Variants in MAML2 observed in about 807,000 individuals in gnomAD.
The protein encoded by MAML2 is mastermind-like protein 2.
A neutral mutation model predicts 96.1 loss-of-function variants in MAML2; 22 were observed. The ratio of observed to expected loss-of-function variants is 0.23; its 90% CI spans 0.16 to 0.33. MAML2 has a LOEUF of 0.33. Among genes scored for constraint, MAML2 ranks in the 10% least tolerant of loss-of-function variants. MAML2 has a pLI of 1.00. For synonymous variants in MAML2, 561 were observed against 521.3 expected (o/e 1.08, Z -1.04); for missense variants, 1,367 against 1,392.4 (o/e 0.98, Z 0.29).
At chr11:96,136,029 G>A (rs1019443283) in intron 1 of MAML2, among the ~76,000 whole-genome samples, 1 of 152,146 alleles carries the variant, frequency 6.6e-6, no homozygotes, top group Non-Finnish European at 1.5e-5. Flanking sequence ...GCACCAAGCC[G>A]ACCTGCACTG....
chr11:96,209,212 A>G lies in MAML2; in HGVS notation c.514-115695T>C, dbSNP rs79793335. ...AACCAAAGACTTGAAAACTTTGAAA[A>G]CCTGTAACTTTTTTTGGGTGGGGGG... On this transcript the variant is annotated intron_variant, in intron 1 of 4. Transcript: ENST00000524717. 6.6e-3 allele frequency among the ~76,000 whole-genome samples: 745 copies of G among 112,386 alleles called. 18 individuals are homozygous for G. Among genetic ancestry groups the G allele is most frequent in the Admixed American group, 0.047 (353 of 7,516 alleles). The allele number at this position is 112,386 out of a possible 152,430, so 73.7% of individuals were successfully genotyped here. A position where few individuals can be genotyped will look rare whatever the true frequency, so the allele number is the denominator to read the frequency against.
chr11:96,080,640 G>C (rs1038792247), intron 2 of MAML2, among the ~76,000 whole-genome samples: 2 of 152,148 alleles, frequency 1.3e-5, no homozygotes, highest in African/African-American at 4.8e-5. Flanking sequence ...GCATACCCCA[G>C]TTATTACATT....
chr11:96,184,270 G>A (rs557606274), intron 1 of MAML2, among the ~76,000 whole-genome samples: 8 of 152,206 alleles, frequency 5.3e-5, no homozygotes, highest in African/African-American at 1.9e-4. Context: ...GTGAAACCCT[G>A]TCTCTACTAA....
chr11:96,069,076 G>A (rs1376390232), intron 2 of MAML2, among the ~76,000 whole-genome samples: 1 of 151,904 alleles, frequency 6.6e-6, no homozygotes, highest in Non-Finnish European at 1.5e-5. Context: ...CTACAGGCAT[G>A]TGCCACCAGC....
At chr11:96,088,694 TA>T (rs1290980209) in intron 2 of MAML2, among the ~76,000 whole-genome samples, 1 of 152,144 alleles carries the variant, frequency 6.6e-6, no homozygotes, top group Non-Finnish European at 1.5e-5. Context: ...AGAGGTTACT[TA>T]AAACCACCCC....
At chr11:96,138,015 C>A (rs1860664995) in intron 1 of MAML2, among the ~76,000 whole-genome samples, 1 of 151,894 alleles carries the variant, frequency 6.6e-6, no homozygotes, top group African/African-American at 2.4e-5. Flanking sequence ...TATTTTGAAC[C>A]AAATGATTAA....
intron 1 of MAML2, among the ~76,000 whole-genome samples, chr11:96,177,916 TTG>T (rs58447778): frequency 0.045 from 6,311 of 139,816 alleles, 279 homozygotes; most frequent in African/African-American, 0.11. Context: ...GAGACCTTAG[TTG>T]TGTGTGTGTG....
intron 1 of MAML2, among the ~76,000 whole-genome samples, chr11:96,096,482 G>T (rs1369233275): frequency 6.6e-6 from 1 of 152,170 alleles, no homozygotes; most frequent in Non-Finnish European, 1.5e-5. Flanking sequence ...GAGAAAACAG[G>T]TTTAGAGGTT....
chr11:96,247,784 C>T (rs1862530539), intron 1 of MAML2, among the ~76,000 whole-genome samples: 1 of 152,114 alleles, frequency 6.6e-6, no homozygotes, highest in African/African-American at 2.4e-5. Context: ...CCAGCACCTT[C>T]TTCCCAATTC....
At chr11:95,989,746 C>T (rs1389253167) in intron 3 of MAML2, among the ~76,000 whole-genome samples, 9 of 152,202 alleles carry the variant, frequency 5.9e-5, no homozygotes, top group African/African-American at 1.9e-4. Flanking sequence ...TCTGTGACTC[C>T]CTTAAACCTT....
chr11:96,163,325 C>T (rs1861143592), intron 1 of MAML2, among the ~76,000 whole-genome samples: 1 of 152,190 alleles, frequency 6.6e-6, no homozygotes, highest in Non-Finnish European at 1.5e-5. Context: ...GTTGATGAGG[C>T]TCCTTCCAGT....
intron 1 of MAML2, among the ~76,000 whole-genome samples, chr11:96,124,359 T>C (rs1210697938): frequency 6.6e-6 from 1 of 152,268 alleles, no homozygotes; most frequent in Non-Finnish European, 1.5e-5. Flanking sequence ...TGTTAGCCAG[T>C]AATTACGACA....
intron 2 of MAML2, among the ~76,000 whole-genome samples, chr11:96,058,985 G>A (rs1231577740): frequency 6.6e-6 from 1 of 152,216 alleles, no homozygotes; most frequent in Non-Finnish European, 1.5e-5. Context: ...GGGAGGCTGA[G>A]GCACGAGAAT....
chr11:96,330,180 T>A (rs1286442044), intron 1 of MAML2, among the ~76,000 whole-genome samples: 3 of 152,138 alleles, frequency 2.0e-5, no homozygotes, highest in Non-Finnish European at 1.5e-5. Context: ...GGAACAGTGA[T>A]CTGAGGAAGC....
Position 96,092,585 on chromosome 11 carries a change from G to A in MAML2, c.1446C>T (p.Ser482=). 1.9e-6 allele frequency: 3 copies of A among 1,609,556 alleles called. No individual in the cohort carries two copies. The highest frequency in any genetic ancestry group is 2.5e-6 in the Non-Finnish European group (3 of 1,176,568). ...PGPFGQEKIP[S]PSFGQQTFSP... ...TGAATGTCTGCTGACCAAAAGAAGG[G>A]CTGGGGATTTTCTCCTGCCCAAATG... Residue 482 remains serine, a synonymous_variant, in exon 2 of 5, where the codon AGC becomes AGT. Coordinates refer to ENST00000524717, the MANE Select transcript of MAML2 (RefSeq NM_032427.4). This position sits in a 1 kb window ranked among gnomAD's most constrained non-coding sequence, Gnocchi z 4.1.
At chr11:96,164,692 C>T (rs531691) in intron 1 of MAML2, among the ~76,000 whole-genome samples, 2,464 of 152,292 alleles carry the variant, frequency 0.016, 33 homozygotes, top group Middle Eastern at 0.031. Context: ...ACCACCCTAT[C>T]GTGATCTCAA....
At position 96,341,896 on chromosome 11, in the gene MAML2, C is replaced by T. The variant is rs1864001688; in HGVS notation, c.-1G>A. 1 of 1,515,802 alleles carries T rather than the reference C, an allele frequency of 6.6e-7. No individual in the cohort carries two copies. The highest frequency in any genetic ancestry group is 2.1e-5 in the Admixed American group (1 of 47,384). 93.9% of individuals were successfully genotyped at this position (1,515,802 alleles called of 1,614,324 possible). A position where few individuals can be genotyped will look rare whatever the true frequency, so the allele number is the denominator to read the frequency against. On this transcript the variant is annotated 5_prime_UTR_variant, in exon 1 of 5. Transcript: ENST00000524717. ...CCTGCGGGGGCGCTGTGTCCCCCAT[C>T]TTACCGGACACAATGATTGCTGCCT...
chr11:96,281,434 G>A (rs376936220), intron 1 of MAML2, among the ~76,000 whole-genome samples: 2 of 152,112 alleles, frequency 1.3e-5, no homozygotes, highest in South Asian at 2.1e-4. Flanking sequence ...AGCAGGAATG[G>A]GGCTGCAAAA....
chr11:96,271,414 G>A (rs1329865454), intron 1 of MAML2, among the ~76,000 whole-genome samples: 1 of 152,156 alleles, frequency 6.6e-6, no homozygotes, highest in Admixed American at 6.5e-5. Flanking sequence ...GCCAGGACTG[G>A]AATGATATAG....
Sources: allele counts gnomAD v4.1 joint callset (sites outside exome capture counted in the v4.1 genomes callset), GRCh38; gene constraint gnomAD v4.1.1; non-coding constraint Gnocchi (gnomAD v3.1); transcripts MANE v1.5; gene names NCBI Gene and HGNC (gene_info 2026-07-23, HGNC 2026-07-21).